COL4A4: variants seen among roughly 807,000 people sequenced by gnomAD.
COL4A4 encodes the protein collagen alpha-4(IV) chain.
COL4A4 carries 105 observed loss-of-function variants against 192.9 expected under a neutral mutation model. That is an observed-to-expected ratio of 0.54 (90% CI 0.46 to 0.64). The LOEUF is 0.64. Among genes scored for constraint, COL4A4 ranks in the 30% least tolerant of loss-of-function variants. COL4A4 has a pLI of 0.00. For missense variants in COL4A4, 1,967 were observed against 2,169.3 expected, an observed-to-expected ratio of 0.91 and a Z score of 1.85; for synonymous variants, 762 against 769.9, an observed-to-expected ratio of 0.99 and a Z score of 0.17.
intron 16 of COL4A4, among the ~76,000 whole-genome samples, 153 bp downstream of exon 16, chr2:227,101,712 T>C (rs1229041466): frequency 6.6e-6 from 1 of 152,168 alleles, no homozygotes; most frequent in African/African-American, 2.4e-5. Context: ...TGCTTCAATT[T>C]TTGCACCCAC....
At chr2:227,152,256 A>C (rs1290657862) in intron 1 of COL4A4, among the ~76,000 whole-genome samples, 1 of 152,216 alleles carries the variant, frequency 6.6e-6, no homozygotes, top group Non-Finnish European at 1.5e-5. Context: ...AAGCAGGGCA[A>C]TTGTGAAAGA....
At chr2:227,096,347 G>A (rs2150712722) in intron 19 of COL4A4, among the ~76,000 whole-genome samples, 1 of 152,276 alleles carries the variant, frequency 6.6e-6, no homozygotes, top group South Asian at 2.1e-4. Flanking sequence ...GTACTGTACT[G>A]ATTGCTATTG....
At chr2:227,102,571 A>C (rs538309039) in intron 15 of COL4A4, among the ~76,000 whole-genome samples, 15 of 152,302 alleles carry the variant, frequency 9.8e-5, no homozygotes, top group African/African-American at 3.6e-4. Flanking sequence ...CACTTTTCCC[A>C]AATTCTTCTA....
Position 227,059,479 on chromosome 2 carries a change from G to T in COL4A4, c.2309C>A (p.Pro770Gln). The change falls in exon 28 of 48, where the codon CCG (proline) becomes CAG (glutamine). Residue 770 changes from proline to glutamine, a missense_variant. By Grantham distance (76) the Pro-to-Gln change is moderately conservative. Coordinates refer to ENST00000396625, the MANE Select transcript of COL4A4 (RefSeq NM_000092.5). ...GDPAFGHLGP[P>Q]GKRGLSGVPG... is the part of the protein sequence containing the mutation. ...CACTCCTGAAAGACCCCTCTTTCCC[G>T]GGGGTCCCAGGTGACCAAATGCAGG... 1 of 1,614,022 alleles carries T rather than the reference G, an allele frequency of 6.2e-7. No homozygotes were observed. Among genetic ancestry groups the T allele is most frequent in the Non-Finnish European group, 8.5e-7 (1 of 1,179,954 alleles).
chr2:227,046,092 T>TTCTAA (rs1576084592), intron 35 of COL4A4, among the ~76,000 whole-genome samples: 2 of 69,204 alleles, frequency 2.9e-5, no homozygotes, highest in East Asian at 7.6e-4. Flanking sequence ...GATATATATG[T>TTCTAA]ACATATATAT....
At chr2:227,120,845 G>T (rs2061736707) in intron 5 of COL4A4, 169 bp downstream of exon 5, 1 of 752,638 alleles carries the variant, frequency 1.3e-6, no homozygotes, top group Non-Finnish European at 2.2e-6. Context: ...AGGCTGAGGT[G>T]GGAGGCTCGC....
In COL4A4 at chr2:227,118,904, A is replaced by G. The variant is rs143559095; in HGVS notation, c.373-143T>C. 5,704 of 662,740 alleles carry G rather than the reference A, an allele frequency of 8.6e-3. 62 individuals carry two copies. The highest frequency in any genetic ancestry group is 0.027 in the South Asian group (1,627 of 59,422). The allele number at this position is 662,740 out of a possible 1,614,324, so 41.1% of individuals were successfully genotyped here. A position where few individuals can be genotyped will look rare whatever the true frequency, so the allele number is the denominator to read the frequency against. On this transcript the variant is annotated intron_variant, in intron 6 of 47. Coordinates refer to ENST00000396625, the MANE Select transcript of COL4A4 (RefSeq NM_000092.5). ...TGTGAAACTTTCTCTTTACCCCAAA[A>G]GGCTACGTAGCATGTAAAAATAAAA...
At chr2:227,083,165 G>T (rs1439755971) in intron 22 of COL4A4, among the ~76,000 whole-genome samples, 2 of 152,286 alleles carry the variant, frequency 1.3e-5, no homozygotes, top group South Asian at 4.1e-4. Flanking sequence ...GGAGGTGGAG[G>T]TTGCAGTGAG....
chr2:227,147,299 C>A, intron 2 of COL4A4, 114 bp downstream of exon 2: 1 of 973,434 alleles, frequency 1.0e-6, no homozygotes, highest in Non-Finnish European at 1.6e-6. Flanking sequence ...CCTTAGCTTT[C>A]TGGAATGATT....
intron 1 of COL4A4, among the ~76,000 whole-genome samples, chr2:227,157,013 C>G (rs2064406818): frequency 6.6e-6 from 1 of 152,098 alleles, no homozygotes; most frequent in Non-Finnish European, 1.5e-5. Flanking sequence ...GGACACTATA[C>G]CAAGCCATAA....
At chr2:227,025,900 G>T in intron 42 of COL4A4, 90 bp from the exon 43 acceptor site, 2 of 1,172,328 alleles carry the variant, frequency 1.7e-6, no homozygotes, top group Non-Finnish European at 2.5e-6. Context: ...GGACAAAAAT[G>T]AAATAGATTA....
intron 37 of COL4A4, 99 bp from the exon 38 acceptor site, chr2:227,033,580 G>A: frequency 9.8e-7 from 1 of 1,019,748 alleles, no homozygotes; most frequent in Non-Finnish European, 1.5e-6. Flanking sequence ...GCGCGTTGCT[G>A]GGGCCAGCAA....
chr2:227,018,347 A>C (rs750589105), intron 44 of COL4A4, among the ~76,000 whole-genome samples: 1 of 152,238 alleles, frequency 6.6e-6, no homozygotes, highest in Non-Finnish European at 1.5e-5. Flanking sequence ...GAGAATGAGC[A>C]ACATGGCCTA....
downstream of COL4A4, among the ~76,000 whole-genome samples, chr2:227,000,566 T>C (rs1960673464): frequency 6.6e-6 from 1 of 152,164 alleles, no homozygotes; most frequent in Non-Finnish European, 1.5e-5. Context: ...TATGAAGGAA[T>C]TGCCTTGCTG....
chr2:227,045,847 TAC>T (rs1215509552), intron 35 of COL4A4, among the ~76,000 whole-genome samples: 489 of 43,332 alleles, frequency 0.011, 62 homozygotes, highest in African/African-American at 0.044. Context: ...CATATATATA[TAC>T]ACATATATAT....
intron 29 of COL4A4, 99 bp from the exon 30 acceptor site, chr2:227,056,214 C>G: frequency 2.0e-6 from 2 of 1,022,356 alleles, no homozygotes; most frequent in Non-Finnish European, 3.1e-6. Context: ...CGTTAAACAA[C>G]AGTAAAGCAA....
the COL4A4 span, chr2:226,996,283 C>A: frequency 6.6e-6 from 1 of 152,382 alleles, no homozygotes. Context: ...AAAGTAGCAG[C>A]AGATGCCACA....
In COL4A4 at chr2:227,005,876, C is replaced by A. The variant is rs920073367; in HGVS notation, c.*1449G>T. 1 of 152,078 alleles carries A rather than the reference C, an allele frequency of 6.6e-6. No individual in the cohort carries two copies. Among genetic ancestry groups the A allele is most frequent in the Non-Finnish European group, 1.5e-5 (1 of 68,010 alleles). The allele number at this position is 152,078 out of a possible 1,614,324, so 9.4% of individuals were successfully genotyped here. A position where few individuals can be genotyped will look rare whatever the true frequency, so the allele number is the denominator to read the frequency against. On this transcript the variant is annotated 3_prime_UTR_variant, in exon 48 of 48. Transcript: ENST00000396625. ...TTCCTAAAAATTTTTTCCAACAAAT[C>A]TTTTAAATTTAGGATTAGATCACCA...
At chr2:227,089,610 C>CATATATATATATAT (rs1488061427) in intron 21 of COL4A4, among the ~76,000 whole-genome samples, 3 of 112,046 alleles carry the variant, frequency 2.7e-5, no homozygotes, top group Non-Finnish European at 5.1e-5. Flanking sequence ...TATATATATA[C>CATATATATATATAT]ATACATATAT....
Sources: gnomAD v4.1 joint callset for allele counts (sites outside exome capture counted in the v4.1 genomes callset) on GRCh38, gnomAD v4.1.1 for gene constraint, MANE v1.5 for transcripts, NCBI Gene and HGNC (gene_info 2026-07-23, HGNC 2026-07-21) for gene names.